Variants in TM9SF2 observed in about 807,000 individuals in gnomAD.
TM9SF2 encodes the protein transmembrane 9 superfamily member 2.
In TM9SF2, 13 loss-of-function variants were observed where a neutral mutation model predicts 84.9. The ratio of observed to expected loss-of-function variants is 0.15; its 90% confidence interval spans 0.10 to 0.24. The LOEUF is 0.24. TM9SF2 is among the 10% of genes least tolerant of loss of function. The pLI, the probability that TM9SF2 is intolerant of heterozygous loss-of-function variation, is 1.00. For missense variants in TM9SF2, 562 were observed against 818.5 expected (o/e 0.69, Z 3.82); for synonymous variants, 273 against 285.8 (o/e 0.96, Z 0.45).
At chr13:99,535,574 G>C (rs899215900) in intron 4 of TM9SF2, among the ~76,000 whole-genome samples, 2 of 152,132 alleles carry the variant, frequency 1.3e-5, no homozygotes, top group African/African-American at 4.8e-5. Flanking sequence ...CAGTTTAATA[G>C]TATAGGTGAT....
intron 6 of TM9SF2, among the ~76,000 whole-genome samples, chr13:99,538,323 T>C (rs1245067777): frequency 6.6e-6 from 1 of 152,218 alleles, no homozygotes; most frequent in Admixed American, 6.5e-5. Flanking sequence ...CTTCAACTTA[T>C]TATTTTTTAT....
chr13:99,547,633 A>G (rs1190503711), intron 11 of TM9SF2, among the ~76,000 whole-genome samples: 1 of 152,190 alleles, frequency 6.6e-6, no homozygotes. Flanking sequence ...ATTAGTCACA[A>G]TCTCTTGTGT....
chr13:99,546,871 T>C, intron 10 of TM9SF2, 114 bp from the exon 11 acceptor site: 1 of 1,429,522 alleles, frequency 7.0e-7, no homozygotes, highest in Non-Finnish European at 9.5e-7. Context: ...AGCACATGGT[T>C]TTGCGTGAAG....
chr13:99,537,681 A>G, intron 5 of TM9SF2, 58 bp from the exon 6 acceptor site: 1 of 1,423,434 alleles, frequency 7.0e-7, no homozygotes. Context: ...TAAAGTTTTA[A>G]GTTTTGACTC....
intron 16 of TM9SF2, among the ~76,000 whole-genome samples, chr13:99,559,875 T>C (rs1378203946): frequency 6.6e-6 from 1 of 151,618 alleles, no homozygotes; most frequent in Non-Finnish European, 1.5e-5. Flanking sequence ...GAAGCTATAG[T>C]GACTTAAGTT....
chr13:99,555,915 T>C (rs553067349), intron 15 of TM9SF2, among the ~76,000 whole-genome samples: 2 of 152,266 alleles, frequency 1.3e-5, no homozygotes, highest in South Asian at 4.1e-4. Context: ...GTTTTTTAAC[T>C]GACTTAAAAA....
Position 99,537,774 on chromosome 13 carries a change from C to G in TM9SF2, c.627C>G (p.Phe209Leu). 6.2e-7 allele frequency: 1 copy of G among 1,609,776 alleles called. No individual in the cohort carries two copies. Among genetic ancestry groups the G allele is most frequent in the Non-Finnish European group, 8.5e-7 (1 of 1,179,222 alleles). The change falls in exon 6 of 17, where the codon TTC becomes TTG. Residue 209 changes from phenylalanine (F) to leucine (L), a missense_variant. By Grantham distance (22) the Phe-to-Leu change is conservative (BLOSUM62 0). Transcript: ENST00000376387. ...DFHERDTFYI[F>L]NHVDIKIYYH... ...ATGAAAGAGATACATTTTACATCTT[C>G]AACCATGTTGACATCAAAATATACT...
intron 3 of TM9SF2, among the ~76,000 whole-genome samples, chr13:99,521,158 A>G (rs2046158485): frequency 6.6e-6 from 1 of 152,226 alleles, no homozygotes; most frequent in Non-Finnish European, 1.5e-5. Flanking sequence ...TAAAAAAATT[A>G]AATGATGCAA....
intron 8 of TM9SF2, among the ~76,000 whole-genome samples, chr13:99,541,336 T>C (rs776046192): frequency 5.3e-5 from 8 of 152,240 alleles, no homozygotes; most frequent in Non-Finnish European, 1.2e-4. Context: ...ATTCTAGTTC[T>C]AAACAGACTA....
intron 3 of TM9SF2, among the ~76,000 whole-genome samples, chr13:99,525,319 G>A (rs916942549): frequency 9.2e-5 from 14 of 152,116 alleles, no homozygotes; most frequent in Admixed American, 2.6e-4. Context: ...TCAGCTCACT[G>A]CAACCTCCAC....
rs747320473 is a variant in TM9SF2 at position 99,536,780 on chromosome 13, T to C, written c.591+43T>C. On this transcript the variant is annotated intron_variant, in intron 5 of 16. Coordinates refer to ENST00000376387, the MANE Select transcript of TM9SF2 (RefSeq NM_004800.3). ...TCTTTGCTGCTTTTTAAAACATGGC[T>C]TTTGATAGAATTCAGTCTTTACCTG... 2.7e-5 allele frequency: 43 copies of C among 1,605,196 alleles called. 1 individual carries two copies. The Middle Eastern group carries it at 3.5e-3, about 130-fold the overall frequency.
intron 1 of TM9SF2, among the ~76,000 whole-genome samples, chr13:99,507,304 G>A (rs754316746): frequency 1.5e-4 from 23 of 152,128 alleles, no homozygotes; most frequent in South Asian, 4.1e-4. Flanking sequence ...ATCCCTGACC[G>A]CTTATCACCC....
At chr13:99,537,958 C>T in intron 6 of TM9SF2, 95 bp downstream of exon 6, 1 of 1,437,336 alleles carries the variant, frequency 7.0e-7, no homozygotes, top group Admixed American at 2.9e-5. Context: ...AATATTCTGA[C>T]ATTTCAGGAT....
In TM9SF2 at chr13:99,518,038, GAATA is replaced by G. The variant is rs138027945; in HGVS notation, c.239+362_239+365del. Among the ~76,000 whole-genome samples the G allele has an allele frequency of 2.1e-3, 316 of 152,168 alleles. 1 individual carries two copies. The highest frequency in any genetic ancestry group is 0.014 in the Middle Eastern group (4 of 294). ...ATGTCTACCTCCACATTTTTTCTCT[GAATA>G]AATAGTCTAATCTATATAATCACAT... On this transcript the variant is annotated intron_variant, in intron 2 of 16. Transcript: ENST00000376387.
chr13:99,535,025 A>T (rs552968773), intron 4 of TM9SF2, among the ~76,000 whole-genome samples: 1 of 152,030 alleles, frequency 6.6e-6, no homozygotes, highest in South Asian at 2.1e-4. Context: ...GATGGCATGC[A>T]CCTGTAGTCC....
chr13:99,545,271 C>T (rs1284235648), intron 10 of TM9SF2, among the ~76,000 whole-genome samples: 1 of 151,926 alleles, frequency 6.6e-6, no homozygotes, highest in African/African-American at 2.4e-5. Flanking sequence ...AAATGTCTGG[C>T]ACTGAATAAG....
intron 4 of TM9SF2, among the ~76,000 whole-genome samples, chr13:99,530,504 C>T (rs1461844892): frequency 6.6e-6 from 1 of 152,034 alleles, no homozygotes; most frequent in Non-Finnish European, 1.5e-5. Context: ...TTCTAAAAAA[C>T]ACCATATCTG....
At chr13:99,524,229 G>A (rs919037620) in intron 3 of TM9SF2, among the ~76,000 whole-genome samples, 1 of 152,164 alleles carries the variant, frequency 6.6e-6, no homozygotes, top group African/African-American at 2.4e-5. Context: ...GGGGGTGCGA[G>A]GGGAGAAGCC....
intron 16 of TM9SF2, 44 bp downstream of exon 16, chr13:99,559,578 T>C (rs2139115000): frequency 6.7e-7 from 1 of 1,502,486 alleles, no homozygotes; most frequent in Non-Finnish European, 9.0e-7. Flanking sequence ...TGTAAGTTTT[T>C]AGACAAATAA....
Sources: gnomAD v4.1 joint callset for allele counts (sites outside exome capture counted in the v4.1 genomes callset) on GRCh38, gnomAD v4.1.1 for gene constraint, MANE v1.5 for transcripts, NCBI Gene and HGNC (gene_info 2026-07-23, HGNC 2026-07-21) for gene names.